The following ATP9A variants were observed in gnomAD, a reference collection of about 807,000 sequenced individuals.
ATP9A encodes probable phospholipid-transporting ATPase IIA.
Under a neutral mutation model 144.1 loss-of-function variants are expected in ATP9A, and 52 were observed. The observed-to-expected ratio is 0.36, with a 90% CI of 0.29 to 0.45. ATP9A has a LOEUF of 0.45. Ranked by LOEUF, ATP9A falls within the 20% of genes least tolerant of loss-of-function variation. The pLI is 1.00. For missense variants in ATP9A, 947 were observed against 1,392.7 expected (o/e 0.68, Z 5.09); for synonymous variants, 582 against 557.4 (o/e 1.04, Z -0.62).
chr20:51,743,528 T>C (rs1257090567), intron 1 of ATP9A, among the ~76,000 whole-genome samples: 1 of 146,930 alleles, frequency 6.8e-6, no homozygotes, highest in African/African-American at 2.5e-5. Flanking sequence ...ACCTCCCGAG[T>C]AGCTGGGATT....
intron 8 of ATP9A, among the ~76,000 whole-genome samples, chr20:51,689,758 C>A (rs991379375): frequency 4.6e-5 from 7 of 151,670 alleles, no homozygotes; most frequent in African/African-American, 1.7e-4. Flanking sequence ...AATTTCTCTT[C>A]TGAAAGGTCT....
At chr20:51,685,001 A>G in intron 9 of ATP9A, among the ~76,000 whole-genome samples, 1 of 144,694 alleles carries the variant, frequency 6.9e-6, no homozygotes. Context: ...ACTGAGCGAG[A>G]CTCCATCTCC....
chr20:51,612,104 C>T (rs1291661401), intron 23 of ATP9A, among the ~76,000 whole-genome samples: 2 of 152,328 alleles, frequency 1.3e-5, no homozygotes, highest in South Asian at 4.1e-4. Context: ...GCCTTAAAAA[C>T]GTCTCTGTTT....
chr20:51,601,100 TGTGTTA>T lies in ATP9A; in HGVS notation c.*105_*110del. The T allele has an allele frequency of 7.5e-7, 1 of 1,329,176 alleles. No homozygotes were observed. Among genetic ancestry groups the T allele is most frequent in the Non-Finnish European group, 1.0e-6 (1 of 984,068 alleles). The allele number at this position is 1,329,176 out of a possible 1,614,324, so 82.3% of individuals were successfully genotyped here. A position where few individuals can be genotyped will look rare whatever the true frequency, so the allele number is the denominator to read the frequency against. ...AGAGCCACTTCCCATTAAAACTGCA[TGTGTTA>T]GCAATTACTGCAAAATCCACAGGTG... On this transcript the variant is annotated 3_prime_UTR_variant, in exon 28 of 28. Transcript: ENST00000338821.
chr20:51,622,967 C>T (rs1005317730), intron 18 of ATP9A, among the ~76,000 whole-genome samples: 2 of 152,150 alleles, frequency 1.3e-5, no homozygotes, highest in Non-Finnish European at 2.9e-5. Flanking sequence ...AGCACCCACG[C>T]TGAGCTCTCT....
intron 24 of ATP9A, among the ~76,000 whole-genome samples, chr20:51,608,965 G>C (rs2077174816): frequency 6.8e-6 from 1 of 147,158 alleles, no homozygotes. Context: ...AGGGGGTGAT[G>C]GTACAATTTT....
chr20:51,746,848 AAAC>A (rs1349237659), intron 1 of ATP9A, among the ~76,000 whole-genome samples: 6 of 151,880 alleles, frequency 4.0e-5, no homozygotes, highest in African/African-American at 1.2e-4. Flanking sequence ...CAAAAAACAA[AAAC>A]AAAAATCAAT....
At chr20:51,655,636 A>T (rs2077383796) in intron 14 of ATP9A, among the ~76,000 whole-genome samples, 1 of 152,182 alleles carries the variant, frequency 6.6e-6, no homozygotes, top group Non-Finnish European at 1.5e-5. Context: ...AGTAACAAGG[A>T]TTGACCGAGA....
At chr20:51,661,403 G>A (rs1303327654) in intron 13 of ATP9A, among the ~76,000 whole-genome samples, 1 of 149,714 alleles carries the variant, frequency 6.7e-6, no homozygotes, top group Non-Finnish European at 1.5e-5. Context: ...TCACTCTGTT[G>A]CCCAGGCTGG....
intron 1 of ATP9A, among the ~76,000 whole-genome samples, chr20:51,759,929 CA>C (rs2122918186): frequency 1.3e-5 from 2 of 152,188 alleles, no homozygotes; most frequent in South Asian, 4.2e-4. Context: ...GCAGTGTAGC[CA>C]AAATGGTGAG....
At chr20:51,628,893 A>AT in intron 16 of ATP9A, 87 bp downstream of exon 16, 1 of 1,165,934 alleles carries the variant, frequency 8.6e-7, no homozygotes, top group South Asian at 1.3e-5. Context: ...ACCGATAACA[A>AT]ATACAGAGAC....
chr20:51,633,055 C>T (rs939668493), intron 15 of ATP9A, among the ~76,000 whole-genome samples: 7 of 151,972 alleles, frequency 4.6e-5, no homozygotes, highest in East Asian at 1.9e-4. Flanking sequence ...ACCCAGGAGG[C>T]GGAGGTTGCA....
chr20:51,666,038 G>A (rs920861166), intron 13 of ATP9A, among the ~76,000 whole-genome samples: 5 of 152,116 alleles, frequency 3.3e-5, no homozygotes, highest in Admixed American at 6.6e-5. Flanking sequence ...CTCAAGGACC[G>A]GACCTGACAA....
At chr20:51,642,050 G>C (rs180922712) in intron 14 of ATP9A, among the ~76,000 whole-genome samples, 1 of 152,122 alleles carries the variant, frequency 6.6e-6, no homozygotes, top group Admixed American at 6.6e-5. Context: ...ACTTGGATGG[G>C]AATAAAGTGA....
rs971331660 is a variant in ATP9A, at chr20:51,628,999, T to C, written c.1742A>G (p.Asn581Ser). ...ACTTACCTCTTCCTCCAACCAGTCA[T>C]TGTACTGCACAATGCCAGCCATGAC... ...DVVMAGIVQY[N>S]DWLEEECGNM... Residue 581 changes from asparagine (N) to serine (S), a missense_variant, in exon 16 of 28, where the codon AAT becomes AGT. By Grantham distance (46) the Asn-to-Ser change is conservative. This residue lies in a region of ATP9A where 770 missense variants were observed against 1,047.9 expected (regional missense o/e 0.73). Coordinates refer to ENST00000338821, the MANE Select transcript of ATP9A (RefSeq NM_006045.3). The C allele has an allele frequency of 4.3e-6, 7 of 1,613,808 alleles. No individual in the cohort carries two copies. The highest frequency in any genetic ancestry group is 1.7e-5 in the Admixed American group (1 of 60,018).
At chr20:51,664,983 G>A (rs1349664034) in intron 13 of ATP9A, among the ~76,000 whole-genome samples, 2 of 151,754 alleles carry the variant, frequency 1.3e-5, no homozygotes, top group Non-Finnish European at 2.9e-5. Context: ...GCCCGCCTCG[G>A]CCTCCCAAAG....
In ATP9A at chr20:51,627,472, A is replaced by G. The variant is rs2077254011; in HGVS notation, c.1845+128T>C. The G allele has an allele frequency of 9.4e-6, 8 of 852,162 alleles. No individual in the cohort carries two copies. The East Asian group carries it at 2.0e-4, about 21-fold the overall frequency. 52.8% of individuals were successfully genotyped at this position (852,162 alleles called of 1,614,324 possible). On this transcript the variant is annotated intron_variant, in intron 17 of 27. Coordinates refer to ENST00000338821, the MANE Select transcript of ATP9A (RefSeq NM_006045.3). ...AGAACGGCAAGTGCAAAGGCCTTCAACAACAGTGAACCCAGTGTGCCCAGA... is the reference window on the plus strand; with the variant it reads ...AGAACGGCAAGTGCAAAGGCCTTCAGCAACAGTGAACCCAGTGTGCCCAGA...
At chr20:51,668,196 G>A (rs759611315) in intron 13 of ATP9A, among the ~76,000 whole-genome samples, 30 of 146,170 alleles carry the variant, frequency 2.1e-4, no homozygotes, top group Non-Finnish European at 3.9e-4. Context: ...AAAAAAGGCC[G>A]AAGGGGTGAT....
rs149151032 is a variant in ATP9A at position 51,649,405 on chromosome 20, C to A, written c.1506+7533G>T. Reference sequence around the variant, plus strand: ...CCTTAGCCAACTTACACTTCATCTACAAAATGGGCACAATCATTGTGACTC... The same window carrying A: ...CCTTAGCCAACTTACACTTCATCTAAAAAATGGGCACAATCATTGTGACTC... On this transcript the variant is annotated intron_variant, in intron 14 of 27. Coordinates refer to ENST00000338821, the MANE Select transcript of ATP9A (RefSeq NM_006045.3). Among the ~76,000 whole-genome samples the A allele has an allele frequency of 8.8e-3, 1,336 of 152,280 alleles. 4 individuals carry two copies. The highest frequency in any genetic ancestry group is 0.02 in the Middle Eastern group (6 of 294).
Sources: allele counts gnomAD v4.1 joint callset (sites outside exome capture counted in the v4.1 genomes callset), GRCh38; gene constraint gnomAD v4.1.1; regional missense constraint gnomAD v4.1.1; transcripts MANE v1.5; gene names NCBI Gene and HGNC (gene_info 2026-07-23, HGNC 2026-07-21).